TRIP11: variants seen among roughly 807,000 people sequenced by gnomAD.
The protein encoded by TRIP11 is thyroid receptor-interacting protein 11.
TRIP11 carries 148 observed loss-of-function variants against 223.1 expected under a neutral mutation model. The observed-to-expected ratio is 0.66, with a 90% CI of 0.58 to 0.76. The LOEUF (loss-of-function observed/expected upper bound fraction) is 0.76, where lower values mean the gene tolerates loss of function less well. Among genes scored for constraint, TRIP11 ranks in the 30% least tolerant of loss-of-function variants. TRIP11 has a pLI of 0.00. For missense variants in TRIP11, 2,043 were observed against 2,222.0 expected (o/e 0.92, Z 1.62); for synonymous variants, 762 against 772.6 (o/e 0.99, Z 0.23).
chr14:92,025,450 G>A, intron 2 of TRIP11, 30 bp from the exon 3 acceptor site: 1 of 1,507,754 alleles, frequency 6.6e-7, no homozygotes, highest in African/African-American at 1.4e-5. Flanking sequence ...TCAACAAAAA[G>A]ACTGCAAGTA....
chr14:91,999,368 A>G lies in TRIP11; in HGVS notation c.4764T>C (p.Leu1588=). The G allele has an allele frequency of 6.2e-7, 1 of 1,613,964 alleles. No homozygotes were observed. The highest frequency in any genetic ancestry group is 8.5e-7 in the Non-Finnish European group (1 of 1,179,920). Residue 1588 remains leucine, a synonymous_variant, in exon 13 of 21, where the codon CTT becomes CTC. Transcript: ENST00000267622. ...GGGTATAAGAATCTTCTGATTCTAA[A>G]AGATGATTACGCAATCTCTCTAGCT... ...NQELERLRNH[L]LESEDSYTRE... is the part of the protein sequence containing the mutation.
intron 3 of TRIP11, among the ~76,000 whole-genome samples, chr14:92,022,891 C>T (rs933833069): frequency 6.6e-6 from 1 of 152,084 alleles, no homozygotes; most frequent in South Asian, 2.1e-4. Flanking sequence ...ATTCATTTTC[C>T]CACAAATGAC....
At chr14:91,991,395 G>A (rs2056670086) in intron 15 of TRIP11, among the ~76,000 whole-genome samples, 1 of 152,098 alleles carries the variant, frequency 6.6e-6, no homozygotes, top group South Asian at 2.1e-4. Flanking sequence ...GTATTCTATT[G>A]TATCAGCACA....
At chr14:92,038,961 G>T (rs2057353519) in intron 1 of TRIP11, among the ~76,000 whole-genome samples, 1 of 152,066 alleles carries the variant, frequency 6.6e-6, no homozygotes, top group South Asian at 2.1e-4. Flanking sequence ...TTCTACTGTC[G>T]AAATATGGGC....
In TRIP11 at chr14:92,004,815, A is replaced by C. The variant is rs552345466; in HGVS notation, c.3161T>G (p.Val1054Gly). The stretch of plus-strand genomic sequence containing the variant: ...CTGAATAATCTGAGTTAGTTTACCA[A>C]CTTCATCTTTGGACAACTGATCAAT... ...KQIDQLSKDE[V>G]GKLTQIIQQK... The change falls in exon 11 of 21, where the codon GTT becomes GGT. Residue 1054 changes from valine (V) to glycine (G), a missense_variant. Physicochemically the swap from Val to Gly is moderately radical, Grantham distance 109. Transcript: ENST00000267622. The C allele has an allele frequency of 1.5e-5, 25 of 1,614,130 alleles. No individual in the cohort carries two copies. The East Asian group carries it at 4.9e-4, about 32-fold the overall frequency.
chr14:91,975,977 T>C, intron 17 of TRIP11, 131 bp downstream of exon 17: 1 of 732,898 alleles, frequency 1.4e-6, no homozygotes, highest in Non-Finnish European at 2.3e-6. Flanking sequence ...GCATCCTTCC[T>C]CACTAAGAGT....
chr14:92,035,226 A>C (rs1215238946), intron 1 of TRIP11, among the ~76,000 whole-genome samples: 8 of 151,948 alleles, frequency 5.3e-5, no homozygotes, highest in Admixed American at 4.6e-4. Flanking sequence ...AGGCTGAGGC[A>C]GGAGAAATTG....
At chr14:91,992,355 C>A (rs2056685271) in intron 15 of TRIP11, among the ~76,000 whole-genome samples, 4 of 152,076 alleles carry the variant, frequency 2.6e-5, no homozygotes, top group Admixed American at 2.0e-4. Flanking sequence ...GCATAAGGAA[C>A]TTCAAAGGAT....
chr14:92,039,966 TC>T lies in TRIP11; in HGVS notation c.-282del, dbSNP rs1186565989. 2.4e-5 allele frequency: 13 copies of T among 541,536 alleles called. No individual in the cohort carries two copies. The highest frequency in any genetic ancestry group is 4.3e-5 in the Non-Finnish European group (13 of 304,326). 33.5% of individuals were successfully genotyped at this position (541,536 alleles called of 1,614,324 possible). A position where few individuals can be genotyped will look rare whatever the true frequency, so the allele number is the denominator to read the frequency against. ...CACCGTCCAGATTGGGCCACTTCTT[TC>T]TCAGCTCTAATGACTTTCCTCAGTT... On this transcript the variant is annotated 5_prime_UTR_variant, in exon 1 of 21. Coordinates refer to ENST00000267622, the MANE Select transcript of TRIP11 (RefSeq NM_004239.4).
chr14:91,989,336 T>TTTCC (rs754172264), intron 15 of TRIP11, among the ~76,000 whole-genome samples: 1 of 152,062 alleles, frequency 6.6e-6, no homozygotes, highest in Non-Finnish European at 1.5e-5. Context: ...GTTGTTTTTT[T>TTTCC]TTCCTTCCTT....
chr14:91,980,805 G>A (rs1282272425), intron 16 of TRIP11, among the ~76,000 whole-genome samples: 2 of 151,498 alleles, frequency 1.3e-5, no homozygotes, highest in South Asian at 2.1e-4. Context: ...TGCATCTGGT[G>A]TCTTATCTGC....
At chr14:92,029,664 AG>A (rs2140145235) in intron 2 of TRIP11, among the ~76,000 whole-genome samples, 1 of 152,012 alleles carries the variant, frequency 6.6e-6, no homozygotes, top group East Asian at 1.9e-4. Flanking sequence ...CACTTTTTGT[AG>A]TTTTGTTTTT....
intron 4 of TRIP11, among the ~76,000 whole-genome samples, chr14:92,020,260 AAAGAAAAGAAAGAAC>A (rs2057093853): frequency 6.6e-6 from 1 of 152,058 alleles, no homozygotes; most frequent in Non-Finnish European, 1.5e-5. Flanking sequence ...TCAAAAAAAA[AAAGAAAAGAAAGAAC>A]AAGAAAAGAT....
rs1169579132 is a variant in TRIP11 at position 91,978,650 on chromosome 14, C to T, written c.5261-2461G>A. Reference sequence around the variant, plus strand: ...AAATAGTTGAGATTACCAGTGTGCACCACCACAACCAGCTAATTTCTAATT... The same window carrying T: ...AAATAGTTGAGATTACCAGTGTGCATCACCACAACCAGCTAATTTCTAATT... On this transcript the variant is annotated intron_variant, in intron 16 of 20. Transcript: ENST00000267622. This position sits in a 1 kb window ranked among gnomAD's most constrained non-coding sequence, Gnocchi z 4.4. Among the ~76,000 whole-genome samples the T allele has an allele frequency of 3.3e-5, 5 of 152,064 alleles. No homozygotes were observed. Among genetic ancestry groups the T allele is most frequent in the African/African-American group, 9.7e-5 (4 of 41,408 alleles).
intron 1 of TRIP11, 78 bp downstream of exon 1, chr14:92,039,469 T>C: frequency 1.3e-6 from 2 of 1,532,508 alleles, no homozygotes. Context: ...CCGCGTCTCC[T>C]GACTGATGGA....
intron 11 of TRIP11, among the ~76,000 whole-genome samples, chr14:92,000,783 C>T (rs879753110): frequency 6.6e-6 from 1 of 152,102 alleles, no homozygotes; most frequent in Admixed American, 6.5e-5. Flanking sequence ...AAAAGTAGGG[C>T]CACAAGTTTC....
rs142203489 is a variant in TRIP11, at chr14:91,973,025, C to CT, written c.5575-165dup. 0.035 allele frequency among the ~76,000 whole-genome samples: 4,612 copies of CT among 131,330 alleles called. 248 individuals carry two copies. Among genetic ancestry groups the CT allele is most frequent in the African/African-American group, 0.11 (3,648 of 33,648 alleles). 86.2% of individuals were successfully genotyped at this position (131,330 alleles called of 152,430 possible). ...TTATGAACAATTGAAAATACTGGCA[C>CT]TTTTTTTTTTTTTTTTTTGAGACGG... On this transcript the variant is annotated intron_variant, in intron 19 of 20. Coordinates refer to ENST00000267622, the MANE Select transcript of TRIP11 (RefSeq NM_004239.4).
In TRIP11 at chr14:91,966,703, A is replaced by C. The variant is rs2056344946; in HGVS notation, c.*2970T>G. The C allele has an allele frequency of 4.7e-6, 1 of 213,376 alleles. No homozygotes were observed. The highest frequency in any genetic ancestry group is 9.5e-6 in the Non-Finnish European group (1 of 105,546). 13.2% of individuals were successfully genotyped at this position (213,376 alleles called of 1,614,324 possible). A position where few individuals can be genotyped will look rare whatever the true frequency, so the allele number is the denominator to read the frequency against. The stretch of plus-strand genomic sequence containing the variant: ...TTTAGTTTTGTTTCATTTTTTAAAA[A>C]TCAAAAATGACAGGAATGAAAATTC... On this transcript the variant is annotated 3_prime_UTR_variant, in exon 21 of 21. Coordinates refer to ENST00000267622, the MANE Select transcript of TRIP11 (RefSeq NM_004239.4).
intron 11 of TRIP11, among the ~76,000 whole-genome samples, chr14:92,001,390 T>C (rs7140823): frequency 0.012 from 1,840 of 151,316 alleles, 38 homozygotes; most frequent in African/African-American, 0.041. Flanking sequence ...TTTTTTTTTT[T>C]CACACTACAA....
Sources: allele counts gnomAD v4.1 joint callset (sites outside exome capture counted in the v4.1 genomes callset), GRCh38; gene constraint gnomAD v4.1.1; non-coding constraint Gnocchi (gnomAD v3.1); transcripts MANE v1.5; gene names NCBI Gene and HGNC (gene_info 2026-07-23, HGNC 2026-07-21).